Variants in ZBTB8A observed in about 807,000 individuals in gnomAD.
The protein encoded by ZBTB8A is zinc finger and BTB domain containing 8A, also known as zinc finger and BTB domain-containing protein 8A.
A neutral mutation model predicts 37.8 loss-of-function variants in ZBTB8A; 19 were observed. The ratio of observed to expected loss-of-function variants is 0.50; its 90% confidence interval spans 0.35 to 0.74. ZBTB8A has a LOEUF of 0.74. Among genes scored for constraint, ZBTB8A ranks in the 30% least tolerant of loss-of-function variants. The pLI is 0.01. For missense variants in ZBTB8A, 394 were observed against 537.8 expected, an observed-to-expected ratio of 0.73 and a Z score of 2.65; for synonymous variants, 181 against 185.2, an observed-to-expected ratio of 0.98 and a Z score of 0.19.
intron 2 of ZBTB8A, among the ~76,000 whole-genome samples, chr1:32,565,165 C>CA (rs1297477052): frequency 1.3e-5 from 2 of 151,800 alleles, no homozygotes; most frequent in Non-Finnish European, 1.5e-5. Context: ...CCCATCTTTA[C>CA]AAAAAAACAC....
chr1:32,580,878 A>G (rs1471766880), intron 2 of ZBTB8A, among the ~76,000 whole-genome samples: 1 of 151,540 alleles, frequency 6.6e-6, no homozygotes, highest in East Asian at 2.0e-4. Context: ...CAACACAGAG[A>G]GACAACAAGG....
intron 2 of ZBTB8A, among the ~76,000 whole-genome samples, chr1:32,575,471 C>A (rs1256942767): frequency 6.6e-6 from 1 of 151,638 alleles, no homozygotes; most frequent in Non-Finnish European, 1.5e-5. Flanking sequence ...ATGATCTGCC[C>A]GCCTCAGCCT....
chr1:32,542,970 C>T (rs1272798739), intron 1 of ZBTB8A, among the ~76,000 whole-genome samples: 1 of 152,124 alleles, frequency 6.6e-6, no homozygotes, highest in Non-Finnish European at 1.5e-5. Flanking sequence ...TAACTTAAAC[C>T]TTTTTTGATG....
chr1:32,555,070 C>A (rs1644190211), intron 2 of ZBTB8A, among the ~76,000 whole-genome samples: 1 of 152,146 alleles, frequency 6.6e-6, no homozygotes, highest in East Asian at 1.9e-4. Flanking sequence ...TGGGTTAAAG[C>A]CCTTTTCTGT....
intron 3 of ZBTB8A, 74 bp from the exon 4 acceptor site, chr1:32,594,980 C>A: frequency 1.5e-6 from 2 of 1,324,958 alleles, no homozygotes; most frequent in Non-Finnish European, 2.0e-6. Context: ...TTCCATTGGG[C>A]TTGGATTGGA....
chr1:32,581,883 A>G (rs1367484582), intron 2 of ZBTB8A, among the ~76,000 whole-genome samples: 1 of 151,986 alleles, frequency 6.6e-6, no homozygotes, highest in Non-Finnish European at 1.5e-5. Context: ...TGCTTACAAC[A>G]CCATCAGATC....
intron 1 of ZBTB8A, among the ~76,000 whole-genome samples, chr1:32,543,633 T>A (rs183841489): frequency 1.3e-5 from 2 of 152,270 alleles, no homozygotes; most frequent in African/African-American, 4.8e-5. Flanking sequence ...AATAAAATCA[T>A]AAATAAAATA....
intron 2 of ZBTB8A, among the ~76,000 whole-genome samples, chr1:32,579,762 T>G (rs1204586461): frequency 1.3e-5 from 2 of 152,188 alleles, no homozygotes; most frequent in East Asian, 3.8e-4. Flanking sequence ...CTGATTTCAT[T>G]GTCTGAAAAC....
In ZBTB8A at chr1:32,596,591, CA is replaced by C. The variant is rs575668089; in HGVS notation, c.993+1371del. On this transcript the variant is annotated intron_variant, in intron 4 of 4. Coordinates refer to ENST00000373510, the MANE Select transcript of ZBTB8A (RefSeq NM_001040441.3). ...GTGAGACACTGTCTAAAACAAAAAACAAACAAAAAAAATACATTTATGGGCT... is the reference window on the plus strand; with the variant it reads ...GTGAGACACTGTCTAAAACAAAAAACAACAAAAAAAATACATTTATGGGCT... 2.0e-3 allele frequency among the ~76,000 whole-genome samples: 293 copies of C among 148,260 alleles called. 2 individuals carry two copies. Among genetic ancestry groups the C allele is most frequent in the African/African-American group, 6.8e-3 (267 of 39,446 alleles).
chr1:32,554,327 A>T (rs1298945507), intron 2 of ZBTB8A, among the ~76,000 whole-genome samples: 4 of 150,910 alleles, frequency 2.7e-5, no homozygotes, highest in Non-Finnish European at 4.4e-5. Context: ...CTCCCTGTTC[A>T]CTGATTGCTA....
intron 2 of ZBTB8A, among the ~76,000 whole-genome samples, chr1:32,569,628 G>A (rs925057179): frequency 2.0e-5 from 3 of 151,714 alleles, no homozygotes; most frequent in South Asian, 2.1e-4. Flanking sequence ...TCCTGACTTC[G>A]TGATCCACCC....
chr1:32,545,573 G>A (rs1445767701), intron 1 of ZBTB8A, among the ~76,000 whole-genome samples: 1 of 152,100 alleles, frequency 6.6e-6, no homozygotes, highest in Non-Finnish European at 1.5e-5. Context: ...TCCTTCAGAA[G>A]TGCCTCAGAA....
intron 2 of ZBTB8A, among the ~76,000 whole-genome samples, chr1:32,555,796 C>T (rs1213509697): frequency 6.6e-6 from 1 of 152,180 alleles, no homozygotes; most frequent in Admixed American, 6.5e-5. Flanking sequence ...TTTCCCATTC[C>T]TCTGAAATCC....
intron 2 of ZBTB8A, among the ~76,000 whole-genome samples, chr1:32,580,509 C>A (rs942585497): frequency 6.7e-6 from 1 of 149,750 alleles, no homozygotes; most frequent in African/African-American, 2.5e-5. Flanking sequence ...CAAGATCGCA[C>A]AACTGTACTC....
At chr1:32,556,943 T>G (rs1245982634) in intron 2 of ZBTB8A, among the ~76,000 whole-genome samples, 1 of 152,142 alleles carries the variant, frequency 6.6e-6, no homozygotes, top group Non-Finnish European at 1.5e-5. Context: ...AACTTAACTT[T>G]CTTAATTTTC....
intron 1 of ZBTB8A, among the ~76,000 whole-genome samples, chr1:32,549,434 C>T (rs1030556188): frequency 6.6e-6 from 1 of 150,582 alleles, no homozygotes; most frequent in Non-Finnish European, 1.5e-5. Flanking sequence ...GTAGAGGTTG[C>T]GGTGAGCCAA....
intron 1 of ZBTB8A, among the ~76,000 whole-genome samples, chr1:32,550,470 A>T (rs7526259): frequency 0.11 from 17,326 of 151,956 alleles, 1,087 homozygotes; most frequent in African/African-American, 0.18. Context: ...TACAAAAAAA[A>T]TAGCCAGGTG....
At chr1:32,554,930 T>G (rs1238135573) in intron 2 of ZBTB8A, among the ~76,000 whole-genome samples, 7 of 152,196 alleles carry the variant, frequency 4.6e-5, no homozygotes. Context: ...TCCTTTTAAT[T>G]TGCAGAGAAG....
chr1:32,570,372 T>C (rs1487988659), intron 2 of ZBTB8A, among the ~76,000 whole-genome samples: 1 of 152,200 alleles, frequency 6.6e-6, no homozygotes, highest in Non-Finnish European at 1.5e-5. Context: ...CCTCTTCTTT[T>C]TCAAAATTGT....
Sources: allele counts gnomAD v4.1 joint callset (sites outside exome capture counted in the v4.1 genomes callset), GRCh38; gene constraint gnomAD v4.1.1; transcripts MANE v1.5; gene names NCBI Gene and HGNC (gene_info 2026-07-23, HGNC 2026-07-21).